The following PCDH15 variants were observed in gnomAD, a reference collection of about 807,000 sequenced individuals.
PCDH15 encodes the protein protocadherin-15.
Under a neutral mutation model 178.5 loss-of-function variants are expected in PCDH15, and 129 were observed. That is an observed-to-expected ratio of 0.72 (90% confidence interval 0.63 to 0.84). The LOEUF (loss-of-function observed/expected upper bound fraction) is 0.84. Ranked by LOEUF, PCDH15 falls within the 40% of genes least tolerant of loss-of-function variation. PCDH15 has a pLI of 0.00. For missense variants in PCDH15, 2,230 were observed against 2,099.9 expected (o/e 1.06, Z -1.21); for synonymous variants, 800 against 732.0 (o/e 1.09, Z -1.50).
chr10:55,287,745 C>T (rs895784612), intron 1 of PCDH15, among the ~76,000 whole-genome samples: 4 of 151,838 alleles, frequency 2.6e-5, no homozygotes, highest in Admixed American at 6.6e-5. Context: ...GGGGAAAATA[C>T]TATACAAATT....
chr10:54,867,060 A>T (rs960347462), intron 3 of PCDH15, among the ~76,000 whole-genome samples: 2 of 152,150 alleles, frequency 1.3e-5, no homozygotes. Flanking sequence ...GAATTGTGGG[A>T]TATAACATAG....
At chr10:53,984,148 CTTTTTTTT>C (rs66540462) in intron 21 of PCDH15, among the ~76,000 whole-genome samples, 2 of 63,560 alleles carry the variant, frequency 3.1e-5, no homozygotes, top group African/African-American at 1.1e-4. Context: ...TTTTTCTTTT[CTTTTTTTT>C]TTTTTTTTTT....
At position 54,877,936 on chromosome 10, in the gene PCDH15, C is replaced by CTTTTTT. The variant is rs1954176789; in HGVS notation, c.-29+19513_-29+19514insAAAAAA. ...TCTCTTATTCTCTTTCTCTCTCTCT[C>CTTTTTT]TCTTTTTTTTTTTTTTTTTTTTTTT... On this transcript the variant is annotated intron_variant, in intron 3 of 5. Coordinates refer to the PCDH15 transcript ENST00000458638. Among the ~76,000 whole-genome samples, 39 of 104,346 alleles carry CTTTTTT rather than the reference C, an allele frequency of 3.7e-4. 3 individuals are homozygous for CTTTTTT. Among genetic ancestry groups the CTTTTTT allele is most frequent in the Non-Finnish European group, 6.0e-4 (30 of 50,060 alleles). 68.5% of individuals were successfully genotyped at this position (104,346 alleles called of 152,430 possible).
chr10:53,842,255 GGTTT>G (rs1315462874), intron 28 of PCDH15, among the ~76,000 whole-genome samples: 1 of 152,016 alleles, frequency 6.6e-6, no homozygotes, highest in African/African-American at 2.4e-5. Context: ...CAAAGTCTCA[GGTTT>G]GTTTGTTTGC....
chr10:54,378,343 T>A (rs1463122358), intron 4 of PCDH15, among the ~76,000 whole-genome samples: 2 of 152,198 alleles, frequency 1.3e-5, no homozygotes, highest in South Asian at 4.1e-4. Flanking sequence ...ATGTAAGACA[T>A]TTCCACAGTT....
chr10:53,826,930 G>T (rs2076719253), intron 32 of PCDH15, among the ~76,000 whole-genome samples: 1 of 151,956 alleles, frequency 6.6e-6, no homozygotes, highest in African/African-American at 2.4e-5. Context: ...TTAAACCAGA[G>T]AATTTGGTTT....
At chr10:54,337,776 T>C (rs1243266766) in intron 6 of PCDH15, among the ~76,000 whole-genome samples, 1 of 152,150 alleles carries the variant, frequency 6.6e-6, no homozygotes, top group African/African-American at 2.4e-5. Context: ...CAGTCATGAC[T>C]CATCTGTTTT....
At chr10:54,150,305 A>G (rs781363541) in intron 14 of PCDH15, among the ~76,000 whole-genome samples, 16 of 152,128 alleles carry the variant, frequency 1.1e-4, no homozygotes, top group Non-Finnish European at 2.1e-4. Context: ...TACTCCACCA[A>G]CCGTATCTCT....
chr10:54,692,459 A>T (rs1359121461), intron 1 of PCDH15, among the ~76,000 whole-genome samples: 1 of 152,180 alleles, frequency 6.6e-6, no homozygotes, highest in East Asian at 1.9e-4. Context: ...CAGTCATCTA[A>T]CTTTAAACTT....
At chr10:54,426,274 G>A (rs1190845184) in intron 3 of PCDH15, among the ~76,000 whole-genome samples, 3 of 152,160 alleles carry the variant, frequency 2.0e-5, no homozygotes, top group South Asian at 2.1e-4. Flanking sequence ...TTCATTTTGC[G>A]GAATATAATA....
At chr10:54,464,227 C>G (rs1257600531) in intron 3 of PCDH15, among the ~76,000 whole-genome samples, 1 of 152,014 alleles carries the variant, frequency 6.6e-6, no homozygotes, top group East Asian at 1.9e-4. Context: ...ATGAGCATTA[C>G]AAATTTTAAT....
intron 29 of PCDH15, among the ~76,000 whole-genome samples, chr10:53,837,355 C>G (rs982026164): frequency 6.6e-6 from 1 of 151,970 alleles, no homozygotes; most frequent in African/African-American, 2.4e-5. Context: ...AAAATCTAAG[C>G]AATTCAGGTA....
At chr10:55,031,003 A>ATT (rs35337529) in intron 2 of PCDH15, among the ~76,000 whole-genome samples, 10 of 151,454 alleles carry the variant, frequency 6.6e-5, no homozygotes, top group East Asian at 3.9e-4. Flanking sequence ...AGAAATGCAG[A>ATT]TTTTTTTTTC....
chr10:53,927,344 T>G (rs920590467), intron 25 of PCDH15, among the ~76,000 whole-genome samples: 1 of 152,182 alleles, frequency 6.6e-6, no homozygotes. Context: ...TACACTAAAT[T>G]CCATTGTTTG....
intron 2 of PCDH15, among the ~76,000 whole-genome samples, chr10:55,126,756 C>G (rs1837909852): frequency 6.6e-6 from 1 of 151,942 alleles, no homozygotes; most frequent in African/African-American, 2.4e-5. Context: ...AAAAGGAATA[C>G]TAGGAGAAAA....
At chr10:54,547,633 A>G (rs575538781) in intron 2 of PCDH15, among the ~76,000 whole-genome samples, 6 of 152,268 alleles carry the variant, frequency 3.9e-5, no homozygotes, top group East Asian at 1.9e-4. Flanking sequence ...ATAATGCTGT[A>G]AAGTATTCCA....
At chr10:54,025,621 C>T (rs1257184161) in intron 18 of PCDH15, among the ~76,000 whole-genome samples, 1 of 151,926 alleles carries the variant, frequency 6.6e-6, no homozygotes, top group African/African-American at 2.4e-5. Flanking sequence ...GCCTCAGCCT[C>T]CTGAGTAGCT....
At chr10:55,325,815 T>C (rs1305952246) in intron 2 of PCDH15, among the ~76,000 whole-genome samples, 1 of 152,062 alleles carries the variant, frequency 6.6e-6, no homozygotes, top group Admixed American at 6.6e-5. Flanking sequence ...ACCTACAGAA[T>C]GGGAGAATAT....
chr10:54,819,647 G>T (rs1434997035), intron 3 of PCDH15, among the ~76,000 whole-genome samples: 2 of 151,880 alleles, frequency 1.3e-5, no homozygotes, highest in African/African-American at 4.8e-5. Context: ...TACTGTTAGT[G>T]TGGCATTCAA....
Sources: gnomAD v4.1 joint callset for allele counts (sites outside exome capture counted in the v4.1 genomes callset) on GRCh38, gnomAD v4.1.1 for gene constraint, MANE v1.5 for transcripts, NCBI Gene and HGNC (gene_info 2026-07-23, HGNC 2026-07-21) for gene names.